The following GRHL1 variants were observed in gnomAD, a reference collection of about 807,000 sequenced individuals.
The protein encoded by GRHL1 is grainyhead-like protein 1 homolog.
Under a neutral mutation model 75.7 loss-of-function variants are expected in GRHL1, and 38 were observed. That is an observed-to-expected ratio of 0.50 (90% CI 0.39 to 0.66). The LOEUF (loss-of-function observed/expected upper bound fraction) is 0.66, where lower values mean the gene tolerates loss of function less well. Among genes scored for constraint, GRHL1 ranks in the 30% least tolerant of loss-of-function variants. The pLI is 0.00. For synonymous variants in GRHL1, 266 were observed against 279.4 expected, an observed-to-expected ratio of 0.95 and a Z score of 0.48; for missense variants, 589 against 767.5, an observed-to-expected ratio of 0.77 and a Z score of 2.75.
chr2:9,988,337 A>G (rs1280762986), intron 9 of GRHL1, among the ~76,000 whole-genome samples: 2 of 151,006 alleles, frequency 1.3e-5, no homozygotes, highest in East Asian at 1.9e-4. Flanking sequence ...GTTTTCTCAC[A>G]TTACTTCCTT....
At chr2:9,993,666 T>G (rs888673698) in intron 12 of GRHL1, among the ~76,000 whole-genome samples, 1 of 152,238 alleles carries the variant, frequency 6.6e-6, no homozygotes. Flanking sequence ...TCTCTCATGG[T>G]TAGATTCCAG....
chr2:9,958,182 T>C (rs559018521), intron 2 of GRHL1, among the ~76,000 whole-genome samples: 1 of 151,014 alleles, frequency 6.6e-6, no homozygotes, highest in African/African-American at 2.4e-5. Flanking sequence ...TTCTTTTTTT[T>C]TTTTTTTTTG....
At chr2:9,994,928 G>A (rs1668789165) in intron 12 of GRHL1, among the ~76,000 whole-genome samples, 3 of 152,062 alleles carry the variant, frequency 2.0e-5, no homozygotes, top group Admixed American at 6.5e-5. Flanking sequence ...TCCTGTGCTC[G>A]GATTATACCA....
At chr2:9,983,962 C>G (rs1431687316) in intron 8 of GRHL1, among the ~76,000 whole-genome samples, 2 of 151,974 alleles carry the variant, frequency 1.3e-5, no homozygotes, top group Non-Finnish European at 2.9e-5. Flanking sequence ...CGAGACCAGC[C>G]TGGCCAATAT....
At position 9,968,407 on chromosome 2, in the gene GRHL1, G is replaced by A. The variant is rs16867262; in HGVS notation, c.1110+3026G>A. 0.22 allele frequency among the ~76,000 whole-genome samples: 32,725 copies of A among 152,150 alleles called. 3,793 individuals carry two copies. The highest frequency in any genetic ancestry group is 0.29 in the African/African-American group (12,106 of 41,474). The stretch of plus-strand genomic sequence containing the variant: ...AGTGGGATTTGTCTGCTGTGTAGAC[G>A]TATTTCATTCCTTTTATTGTCCTTC... On this transcript the variant is annotated intron_variant, in intron 8 of 15. Transcript: ENST00000324907. This position sits in a 1 kb window ranked among gnomAD's most constrained non-coding sequence, Gnocchi z 4.7.
In GRHL1 at chr2:9,996,031, A is replaced by G. The variant is rs556791020; in HGVS notation, c.1591+61A>G. On this transcript the variant is annotated intron_variant, in intron 13 of 15. Coordinates refer to ENST00000324907, the MANE Select transcript of GRHL1 (RefSeq NM_198182.3). ...ATCAGAAGTGAGTTCAGAATCTATCAAAAGCATAAATGGTTCAAGCACATT... is the reference window on the plus strand; with the variant it reads ...ATCAGAAGTGAGTTCAGAATCTATCGAAAGCATAAATGGTTCAAGCACATT... The G allele has an allele frequency of 3.8e-6, 4 of 1,061,598 alleles. No homozygotes were observed. In the South Asian group the frequency reaches 5.1e-5, roughly 14 times the overall value. 65.8% of individuals were successfully genotyped at this position (1,061,598 alleles called of 1,614,324 possible).
intron 8 of GRHL1, among the ~76,000 whole-genome samples, chr2:9,984,162 C>CAA (rs369581721): frequency 6.9e-6 from 1 of 144,998 alleles, no homozygotes; most frequent in African/African-American, 2.5e-5. Flanking sequence ...AACTTCATCT[C>CAA]AAAAAAAAAA....
chr2:9,961,551 T>A, intron 4 of GRHL1, 115 bp downstream of exon 4: 1 of 990,700 alleles, frequency 1.0e-6, no homozygotes, highest in South Asian at 2.1e-5. Context: ...GGATTAGGAA[T>A]AAAAGATTTT....
In GRHL1 at chr2:9,953,040, G is replaced by C. The variant is rs1413563033; in HGVS notation, c.20+1187G>C. On this transcript the variant is annotated intron_variant, in intron 1 of 15. Transcript: ENST00000324907. The stretch of plus-strand genomic sequence containing the variant: ...CCTACTTCCTGACTGTCATGAGGAA[G>C]TGGACTAAGAAAGGCAACTGGTTTT... 8.8e-6 allele frequency: 4 copies of C among 456,668 alleles called. 1 individual carries two copies. The Admixed American group carries it at 9.4e-5, about 11-fold the overall frequency. The allele number at this position is 456,668 out of a possible 1,614,324, so 28.3% of individuals were successfully genotyped here.
chr2:9,994,033 C>T (rs998146410), intron 12 of GRHL1, among the ~76,000 whole-genome samples: 3 of 152,094 alleles, frequency 2.0e-5, no homozygotes, highest in Admixed American at 6.5e-5. Context: ...CCGGGCAGCC[C>T]CCTACTCATG....
chr2:9,991,120 A>G (rs1668624223), intron 10 of GRHL1, among the ~76,000 whole-genome samples: 1 of 152,230 alleles, frequency 6.6e-6, no homozygotes, highest in South Asian at 2.1e-4. Flanking sequence ...TGAGAATTCA[A>G]GATGTCTTAA....
intron 8 of GRHL1, among the ~76,000 whole-genome samples, chr2:9,977,858 T>TA (rs1668013927): frequency 6.6e-6 from 1 of 152,172 alleles, no homozygotes; most frequent in Admixed American, 6.5e-5. Context: ...ATGCTGCTGA[T>TA]AAAGACATAC....
chr2:9,989,244 G>T (rs760464872), intron 9 of GRHL1, among the ~76,000 whole-genome samples: 1 of 152,146 alleles, frequency 6.6e-6, no homozygotes, highest in Non-Finnish European at 1.5e-5. Context: ...AGATCAGTGG[G>T]ATTTTTATTG....
chr2:9,952,802 T>A (rs1382338080), intron 1 of GRHL1: 8 of 275,464 alleles, frequency 2.9e-5, no homozygotes, highest in African/African-American at 1.9e-4. Flanking sequence ...CCCTCCCAGT[T>A]TCTTAGTTAT....
intron 9 of GRHL1, among the ~76,000 whole-genome samples, chr2:9,989,961 C>T (rs1042978740): frequency 1.3e-5 from 2 of 152,162 alleles, no homozygotes; most frequent in African/African-American, 4.8e-5. Context: ...GACTGAATCA[C>T]AGCCTTCAGT....
intron 8 of GRHL1, among the ~76,000 whole-genome samples, chr2:9,982,584 T>C (rs2125232588): frequency 6.6e-6 from 1 of 152,340 alleles, no homozygotes; most frequent in Non-Finnish European, 1.5e-5. Flanking sequence ...TAGAATTAGC[T>C]GGAGAGCTTG....
intron 1 of GRHL1, among the ~76,000 whole-genome samples, chr2:9,953,965 A>G (rs900107980): frequency 2.8e-4 from 42 of 152,294 alleles, no homozygotes; most frequent in African/African-American, 8.9e-4. Flanking sequence ...TTATTGACTT[A>G]TTAAATAGTA....
intron 9 of GRHL1, among the ~76,000 whole-genome samples, chr2:9,989,829 C>T (rs545636358): frequency 1.3e-5 from 2 of 152,256 alleles, no homozygotes; most frequent in South Asian, 2.1e-4. Context: ...GGATTACAAG[C>T]GTGAGCCACC....
At chr2:9,983,559 G>A (rs1668289272) in intron 8 of GRHL1, among the ~76,000 whole-genome samples, 1 of 152,152 alleles carries the variant, frequency 6.6e-6, no homozygotes, top group Non-Finnish European at 1.5e-5. Context: ...AGCAAGGGGA[G>A]GTTAGGTTTC....
Sources: gnomAD v4.1 joint callset for allele counts (sites outside exome capture counted in the v4.1 genomes callset) on GRCh38, gnomAD v4.1.1 for gene constraint, Gnocchi (gnomAD v3.1) non-coding constraint, MANE v1.5 for transcripts, NCBI Gene and HGNC (gene_info 2026-07-23, HGNC 2026-07-21) for gene names.